Variants in AGBL4 observed in about 807,000 individuals in gnomAD.
AGBL4 encodes AGBL carboxypeptidase 4.
AGBL4 carries 58 observed loss-of-function variants against 66.4 expected under a neutral mutation model. The observed-to-expected ratio is 0.87, with a 90% CI of 0.71 to 1.09. The LOEUF is 1.09. AGBL4 is among the 50% of genes least tolerant of loss of function. AGBL4 has a pLI of 0.00. For synonymous variants in AGBL4, 234 were observed against 222.9 expected (o/e 1.05, Z -0.44); for missense variants, 579 against 631.0 (o/e 0.92, Z 0.88).
intron 2 of AGBL4, among the ~76,000 whole-genome samples, chr1:49,807,613 T>C (rs1454300969): frequency 1.3e-5 from 2 of 152,218 alleles, no homozygotes; most frequent in East Asian, 3.8e-4. Flanking sequence ...CTTTTGACTT[T>C]TGAGTTGATG....
At chr1:49,381,181 C>G (rs1300211185) in intron 3 of AGBL4, among the ~76,000 whole-genome samples, 1 of 152,024 alleles carries the variant, frequency 6.6e-6, no homozygotes, top group Non-Finnish European at 1.5e-5. Context: ...AAAAAGTGGG[C>G]AAAGGATATG....
intron 3 of AGBL4, among the ~76,000 whole-genome samples, chr1:49,474,582 T>G (rs1364547067): frequency 6.6e-6 from 1 of 151,896 alleles, no homozygotes; most frequent in East Asian, 1.9e-4. Context: ...TTGACTTGGT[T>G]CTCAGCTTGA....
chr1:48,943,758 T>TTTG (rs61662632), intron 5 of AGBL4, among the ~76,000 whole-genome samples: 37,620 of 151,068 alleles, frequency 0.25, 5,720 homozygotes, highest in African/African-American at 0.43. Flanking sequence ...TGGGTGGTTG[T>TTTG]TTGTTGTTGT....
chr1:49,858,009 T>A (rs2148076734), intron 1 of AGBL4, among the ~76,000 whole-genome samples: 1 of 151,552 alleles, frequency 6.6e-6, no homozygotes, highest in East Asian at 1.9e-4. Flanking sequence ...CTCAAAAAAC[T>A]CAACAACAAC....
At chr1:49,102,704 T>C (rs1645225096) in intron 4 of AGBL4, among the ~76,000 whole-genome samples, 1 of 152,210 alleles carries the variant, frequency 6.6e-6, no homozygotes, top group Admixed American at 6.5e-5. Flanking sequence ...ATAACACCCC[T>C]GTGAAGTAGA....
chr1:49,479,153 C>T (rs1230149329), intron 3 of AGBL4, among the ~76,000 whole-genome samples: 5 of 151,698 alleles, frequency 3.3e-5, no homozygotes, highest in East Asian at 1.9e-4. Context: ...ACACTAGAAC[C>T]GACAAATTAA....
At chr1:49,774,473 T>G (rs2147890746) in intron 2 of AGBL4, among the ~76,000 whole-genome samples, 1 of 152,290 alleles carries the variant, frequency 6.6e-6, no homozygotes, top group Non-Finnish European at 1.5e-5. Context: ...AATGTTTTGG[T>G]TCCTTTATAT....
intron 3 of AGBL4, among the ~76,000 whole-genome samples, chr1:49,639,362 CT>C (rs1486209945): frequency 6.6e-6 from 1 of 152,184 alleles, no homozygotes; most frequent in Non-Finnish European, 1.5e-5. Context: ...ATTATACACA[CT>C]TGATACATAT....
At chr1:49,693,909 T>C (rs182348279) in intron 3 of AGBL4, among the ~76,000 whole-genome samples, 2 of 152,242 alleles carry the variant, frequency 1.3e-5, no homozygotes, top group East Asian at 3.9e-4. Context: ...CACCTTTCCA[T>C]AAAGGAATCT....
chr1:50,021,801 T>A (rs1404413258), intron 1 of AGBL4, among the ~76,000 whole-genome samples: 1 of 152,182 alleles, frequency 6.6e-6, no homozygotes, highest in East Asian at 1.9e-4. Context: ...ATTTTTTAAT[T>A]ATTCTAATCA....
chr1:49,695,720 C>G (rs946876244), intron 3 of AGBL4, among the ~76,000 whole-genome samples: 2 of 152,098 alleles, frequency 1.3e-5, no homozygotes, highest in African/African-American at 2.4e-5. Context: ...TGAGACAAGT[C>G]AGATTTAGCA....
intron 3 of AGBL4, among the ~76,000 whole-genome samples, chr1:49,685,314 T>C (rs1452997181): frequency 2.0e-5 from 3 of 152,228 alleles, no homozygotes; most frequent in African/African-American, 7.2e-5. Context: ...GATGGGCATC[T>C]AGGTTGATTC....
intron 3 of AGBL4, among the ~76,000 whole-genome samples, chr1:49,335,532 T>C (rs931329676): frequency 3.3e-5 from 5 of 152,138 alleles, no homozygotes; most frequent in Admixed American, 6.5e-5. Context: ...TTCTTTTTTT[T>C]TGAGATGGAG....
intron 4 of AGBL4, among the ~76,000 whole-genome samples, chr1:49,128,093 C>A (rs566947587): frequency 1.1e-3 from 162 of 151,622 alleles, no homozygotes; most frequent in Non-Finnish European, 1.8e-3. Flanking sequence ...AAAGGAAAAC[C>A]AATTATAATA....
chr1:49,546,222 T>C (rs1194488285), intron 3 of AGBL4, among the ~76,000 whole-genome samples: 3 of 152,104 alleles, frequency 2.0e-5, no homozygotes, highest in Non-Finnish European at 4.4e-5. Flanking sequence ...CATCCCTTTT[T>C]TATGGCTGAG....
chr1:49,124,268 G>T (rs1051293166), intron 4 of AGBL4, among the ~76,000 whole-genome samples: 1 of 152,100 alleles, frequency 6.6e-6, no homozygotes, highest in African/African-American at 2.4e-5. Context: ...TCCAATCCTG[G>T]TTTGCAATGA....
At chr1:49,062,731 C>A (rs17105472) in intron 4 of AGBL4, among the ~76,000 whole-genome samples, 13,773 of 152,188 alleles carry the variant, frequency 0.09, 886 homozygotes, top group East Asian at 0.28. Context: ...ACCACTGATA[C>A]CCAGTTAGGC....
chr1:49,838,498 T>C (rs577871090), intron 2 of AGBL4, among the ~76,000 whole-genome samples: 14 of 152,300 alleles, frequency 9.2e-5, no homozygotes, highest in African/African-American at 2.9e-4. Context: ...TAATTGCAAA[T>C]AGTCAAATGA....
chr1:49,561,618 C>G (rs1314210558), intron 3 of AGBL4, among the ~76,000 whole-genome samples: 1 of 152,006 alleles, frequency 6.6e-6, no homozygotes, highest in Non-Finnish European at 1.5e-5. Flanking sequence ...TCCTCCATGT[C>G]CCTACAAAGG....
Sources: allele counts gnomAD v4.1 joint callset (sites outside exome capture counted in the v4.1 genomes callset), GRCh38; gene constraint gnomAD v4.1.1; transcripts MANE v1.5; gene names NCBI Gene and HGNC (gene_info 2026-07-23, HGNC 2026-07-21).